Variants in HHAT observed in about 807,000 individuals in gnomAD.
The protein encoded by HHAT is hedgehog acyltransferase, also known as protein-cysteine N-palmitoyltransferase HHAT.
Under a neutral mutation model 70.8 loss-of-function variants are expected in HHAT, and 47 were observed. The observed-to-expected ratio is 0.66, with a 90% CI of 0.53 to 0.85. The LOEUF is 0.85. Among genes scored for constraint, HHAT ranks in the 40% least tolerant of loss-of-function variants. The probability of loss-of-function intolerance (pLI) is 0.00; values close to 1 mark genes in which losing one functional copy is unlikely to be tolerated. For missense variants in HHAT, 609 were observed against 604.8 expected (o/e 1.01, Z -0.07); for synonymous variants, 228 against 247.6 (o/e 0.92, Z 0.74).
intron 11 of HHAT, among the ~76,000 whole-genome samples, chr1:210,628,806 G>T (rs750617957): frequency 2.0e-5 from 3 of 152,290 alleles, no homozygotes; most frequent in Non-Finnish European, 4.4e-5. Flanking sequence ...CTGGAGTATT[G>T]CACTAGAGAT....
intron 8 of HHAT, among the ~76,000 whole-genome samples, chr1:210,493,729 T>G (rs1370185026): frequency 1.3e-5 from 2 of 152,134 alleles, no homozygotes; most frequent in Non-Finnish European, 2.9e-5. Context: ...AATGATCTAG[T>G]GACGGGAAAC....
At chr1:210,387,228 G>GAATGGC (rs915024981) in intron 3 of HHAT, among the ~76,000 whole-genome samples, 2 of 152,178 alleles carry the variant, frequency 1.3e-5, no homozygotes, top group African/African-American at 4.8e-5. Flanking sequence ...TGCATTTGGG[G>GAATGGC]AATGGCAATG....
At chr1:210,391,728 A>T (rs1194399972) in intron 4 of HHAT, among the ~76,000 whole-genome samples, 1 of 152,240 alleles carries the variant, frequency 6.6e-6, no homozygotes, top group Non-Finnish European at 1.5e-5. Flanking sequence ...CAAAAACAAA[A>T]CAAAAATCCC....
intron 10 of HHAT, among the ~76,000 whole-genome samples, chr1:210,608,747 A>T (rs1433728533): frequency 2.0e-5 from 3 of 152,154 alleles, no homozygotes; most frequent in African/African-American, 4.8e-5. Context: ...AGAGTCCTGG[A>T]GGCTGGGAGT....
chr1:210,646,168 G>A (rs1270033750), intron 11 of HHAT, among the ~76,000 whole-genome samples: 1 of 152,136 alleles, frequency 6.6e-6, no homozygotes, highest in Non-Finnish European at 1.5e-5. Context: ...GTAAGTAGTG[G>A]GAGATCATAG....
At chr1:210,653,612 A>G (rs1192582911) in intron 11 of HHAT, among the ~76,000 whole-genome samples, 1 of 152,060 alleles carries the variant, frequency 6.6e-6, no homozygotes, top group African/African-American at 2.4e-5. Flanking sequence ...TAAACAAGGA[A>G]ATGGGAACAG....
At chr1:210,417,662 A>G (rs1162418022) in intron 6 of HHAT, among the ~76,000 whole-genome samples, 1 of 152,214 alleles carries the variant, frequency 6.6e-6, no homozygotes, top group East Asian at 1.9e-4. Flanking sequence ...ACATGCCCAC[A>G]CATCATTTTC....
intron 7 of HHAT, 36 bp downstream of exon 7, chr1:210,418,361 C>T (rs781108700): frequency 5.2e-6 from 8 of 1,541,052 alleles, no homozygotes; most frequent in Non-Finnish European, 6.1e-6. Context: ...GGATGAGCCC[C>T]AATAGTCCAA....
intron 2 of HHAT, among the ~76,000 whole-genome samples, chr1:210,357,237 G>T (rs1264745333): frequency 6.6e-6 from 1 of 152,082 alleles, no homozygotes; most frequent in Non-Finnish European, 1.5e-5. Flanking sequence ...TAGGTGTTGG[G>T]GGTTCAGGAG....
chr1:210,386,906 A>C (rs570383395), intron 3 of HHAT, among the ~76,000 whole-genome samples: 1 of 152,258 alleles, frequency 6.6e-6, no homozygotes, highest in South Asian at 2.1e-4. Flanking sequence ...CTTCATTATA[A>C]ATTTATATGA....
intron 2 of HHAT, among the ~76,000 whole-genome samples, chr1:210,362,467 C>T (rs773083632): frequency 5.3e-5 from 8 of 152,138 alleles, no homozygotes; most frequent in Non-Finnish European, 7.4e-5. Flanking sequence ...ACTTGTAATC[C>T]GCCCGTCTTG....
intron 1 of HHAT, chr1:210,329,596 C>G: frequency 2.1e-6 from 1 of 477,222 alleles, no homozygotes; most frequent in Non-Finnish European, 2.7e-6. Flanking sequence ...CTAATCCTCA[C>G]CAGAGGTACT....
chr1:210,531,169 A>C (rs1403448642), intron 9 of HHAT, among the ~76,000 whole-genome samples: 1 of 152,216 alleles, frequency 6.6e-6, no homozygotes, highest in Non-Finnish European at 1.5e-5. Flanking sequence ...GTACTCATCT[A>C]TCTAAACATA....
In HHAT at chr1:210,675,129, A is replaced by G. The variant is rs1259102344; in HGVS notation, c.*750A>G. 1 of 152,242 alleles carries G rather than the reference A, an allele frequency of 6.6e-6. No homozygotes were observed. The highest frequency in any genetic ancestry group is 1.5e-5 in the Non-Finnish European group (1 of 68,054). The allele number at this position is 152,242 out of a possible 1,614,324, so 9.4% of individuals were successfully genotyped here. ...TAAAGAAGCAGAATTTAGAAACCAC[A>G]GGATAGTGTACCCACAGATGGGTGT... On this transcript the variant is annotated 3_prime_UTR_variant, in exon 12 of 12. Transcript: ENST00000261458.
intron 9 of HHAT, among the ~76,000 whole-genome samples, chr1:210,586,905 A>G (rs1272188971): frequency 6.6e-6 from 1 of 152,190 alleles, no homozygotes; most frequent in African/African-American, 2.4e-5. Context: ...TCAGCAATGG[A>G]GAACATACCC....
chr1:210,521,133 A>G (rs1166409688), intron 9 of HHAT, among the ~76,000 whole-genome samples: 2 of 152,242 alleles, frequency 1.3e-5, no homozygotes, highest in Non-Finnish European at 2.9e-5. Flanking sequence ...ATGGTGTTCA[A>G]TATAGCACAT....
At chr1:210,571,988 GC>G (rs1656391272) in intron 9 of HHAT, among the ~76,000 whole-genome samples, 1 of 152,142 alleles carries the variant, frequency 6.6e-6, no homozygotes, top group African/African-American at 2.4e-5. Flanking sequence ...CATTCCCGCA[GC>G]CCTGACTGCA....
At chr1:210,444,779 G>A (rs1222864303) in intron 7 of HHAT, among the ~76,000 whole-genome samples, 1 of 152,108 alleles carries the variant, frequency 6.6e-6, no homozygotes, top group African/African-American at 2.4e-5. Context: ...CTCCCAAAGT[G>A]CTGAGTTTAC....
At chr1:210,487,034 C>T (rs2094482907) in intron 8 of HHAT, among the ~76,000 whole-genome samples, 1 of 152,148 alleles carries the variant, frequency 6.6e-6, no homozygotes, top group Non-Finnish European at 1.5e-5. Context: ...GTTCTTCATA[C>T]CTGTGATGTG....
Sources: gnomAD v4.1 joint callset for allele counts (sites outside exome capture counted in the v4.1 genomes callset) on GRCh38, gnomAD v4.1.1 for gene constraint, MANE v1.5 for transcripts, NCBI Gene and HGNC (gene_info 2026-07-23, HGNC 2026-07-21) for gene names.